Variants in PPFIBP1 observed in about 807,000 individuals in gnomAD.
PPFIBP1 encodes the protein liprin-beta-1.
Under a neutral mutation model 137.8 loss-of-function variants are expected in PPFIBP1, and 112 were observed. That is an observed-to-expected ratio of 0.81 (90% CI 0.70 to 0.95). The LOEUF is 0.95. Ranked by LOEUF, PPFIBP1 falls within the 40% of genes least tolerant of loss-of-function variation. The pLI, the probability that PPFIBP1 is intolerant of heterozygous loss-of-function variation, is 0.00. For missense variants in PPFIBP1, 1,083 were observed against 1,196.6 expected (o/e 0.91, Z 1.40); for synonymous variants, 378 against 417.3 (o/e 0.91, Z 1.15).
chr12:27,540,793 AG>A (rs1384708533), intron 1 of PPFIBP1, among the ~76,000 whole-genome samples: 3 of 152,210 alleles, frequency 2.0e-5, no homozygotes, highest in South Asian at 2.1e-4. Context: ...GATATTATTG[AG>A]CTAAATCATG....
At chr12:27,657,952 T>C (rs2059313723) in intron 9 of PPFIBP1, among the ~76,000 whole-genome samples, 2 of 151,554 alleles carry the variant, frequency 1.3e-5, no homozygotes, top group South Asian at 4.2e-4. Context: ...TACAAAAAAT[T>C]TCTTTTTAAG....
intron 7 of PPFIBP1, among the ~76,000 whole-genome samples, chr12:27,651,592 TA>T (rs1257057233): frequency 2.6e-5 from 4 of 152,274 alleles, no homozygotes; most frequent in Admixed American, 6.5e-5. Flanking sequence ...CCTAACCCCA[TA>T]GTCGCAGGGT....
chr12:27,631,697 G>C (rs1311786581), intron 2 of PPFIBP1, among the ~76,000 whole-genome samples: 1 of 152,110 alleles, frequency 6.6e-6, no homozygotes, highest in African/African-American at 2.4e-5. Flanking sequence ...CATTTGAAAG[G>C]CTCATTAAAT....
At chr12:27,667,057 G>A in intron 12 of PPFIBP1, 109 bp from the exon 13 acceptor site, 1 of 1,157,530 alleles carries the variant, frequency 8.6e-7, no homozygotes, top group South Asian at 2.1e-5. Flanking sequence ...GATTTTTGAG[G>A]ATCAGAAAAA....
intron 2 of PPFIBP1, among the ~76,000 whole-genome samples, chr12:27,628,814 A>C (rs747207083): frequency 9.2e-5 from 14 of 152,148 alleles, no homozygotes; most frequent in Non-Finnish European, 7.4e-5. Flanking sequence ...AAGTGATCCT[A>C]GGAAAGACTT....
At chr12:27,564,415 C>A (rs961634503) in intron 1 of PPFIBP1, among the ~76,000 whole-genome samples, 1 of 152,158 alleles carries the variant, frequency 6.6e-6, no homozygotes, top group African/African-American at 2.4e-5. Context: ...AAATAAAATT[C>A]TCTGAGCCCT....
chr12:27,632,849 G>T (rs1376164752), intron 2 of PPFIBP1, among the ~76,000 whole-genome samples: 1 of 152,178 alleles, frequency 6.6e-6, no homozygotes, highest in Non-Finnish European at 1.5e-5. Context: ...GTATCAGTAG[G>T]GGTGTATGTG....
chr12:27,600,613 CCTT>C (rs2053876399), intron 2 of PPFIBP1, among the ~76,000 whole-genome samples: 1 of 151,638 alleles, frequency 6.6e-6, no homozygotes, highest in African/African-American at 2.4e-5. Flanking sequence ...TTCCTGAACA[CCTT>C]CTTTCCCTGC....
intron 1 of PPFIBP1, among the ~76,000 whole-genome samples, chr12:27,545,111 T>A (rs1323286839): frequency 6.6e-6 from 1 of 152,130 alleles, no homozygotes; most frequent in Non-Finnish European, 1.5e-5. Flanking sequence ...GAAACCATCA[T>A]TCTCAGCAAA....
chr12:27,692,489 A>G (rs2061608011), intron 28 of PPFIBP1, 102 bp from the exon 29 acceptor site: 1 of 1,032,412 alleles, frequency 9.7e-7, no homozygotes, highest in African/African-American at 1.6e-5. Context: ...TACCCCATTC[A>G]GTGCTATTTG....
chr12:27,651,699 G>T (rs1470856143), intron 7 of PPFIBP1, among the ~76,000 whole-genome samples: 1 of 152,146 alleles, frequency 6.6e-6, no homozygotes, highest in Non-Finnish European at 1.5e-5. Context: ...GATAGAGGTG[G>T]TCTTCTACAT....
intron 1 of PPFIBP1, among the ~76,000 whole-genome samples, chr12:27,539,453 G>A (rs1274874704): frequency 1.3e-5 from 2 of 152,146 alleles, no homozygotes; most frequent in Non-Finnish European, 2.9e-5. Flanking sequence ...TTTGGTGTGC[G>A]GGTTTAAATC....
intron 19 of PPFIBP1, among the ~76,000 whole-genome samples, chr12:27,679,125 G>C (rs947729970): frequency 6.6e-6 from 1 of 152,098 alleles, no homozygotes; most frequent in Non-Finnish European, 1.5e-5. Context: ...TAGGAGAGTG[G>C]TCATGTCAAG....
At chr12:27,680,162 G>A (rs1314489379) in intron 21 of PPFIBP1, 101 bp downstream of exon 21, 9 of 1,450,746 alleles carry the variant, frequency 6.2e-6, no homozygotes, top group Non-Finnish European at 8.4e-6. Flanking sequence ...CAAAGTCATT[G>A]CTTAATGCTG....
chr12:27,645,983 A>G, intron 4 of PPFIBP1, 79 bp from the exon 5 acceptor site: 6 of 1,088,820 alleles, frequency 5.5e-6, no homozygotes, highest in Non-Finnish European at 8.3e-6. Context: ...TTGGACTAAG[A>G]ACACTTGTGA....
At chr12:27,650,171 C>G in intron 7 of PPFIBP1, 30 bp downstream of exon 7, 4 of 1,543,916 alleles carry the variant, frequency 2.6e-6, no homozygotes, top group Non-Finnish European at 3.6e-6. Flanking sequence ...CTCCCTCTCT[C>G]TCTCTCTCTG....
intron 2 of PPFIBP1, among the ~76,000 whole-genome samples, chr12:27,611,556 G>A (rs2055114036): frequency 6.6e-6 from 1 of 152,158 alleles, no homozygotes. Context: ...AATTTTGAAA[G>A]GACATAATTA....
Position 27,568,041 on chromosome 12 carries a change from T to A in PPFIBP1, c.-123-10111T>A, listed in dbSNP as rs142154099. Reference sequence around the variant, plus strand: ...ACCACGGTGCCCAGCCACCAGACTTTTTAATTTTTAAGGGCAACGGGAAAA... The same window carrying A: ...ACCACGGTGCCCAGCCACCAGACTTATTAATTTTTAAGGGCAACGGGAAAA... On this transcript the variant is annotated intron_variant, in intron 1 of 29. Coordinates refer to ENST00000228425, the MANE Select transcript of PPFIBP1 (RefSeq NM_003622.4). 8.2e-3 allele frequency among the ~76,000 whole-genome samples: 1,256 copies of A among 152,276 alleles called. 17 individuals carry two copies. Among genetic ancestry groups the A allele is most frequent in the African/African-American group, 0.029 (1,206 of 41,544 alleles).
At chr12:27,543,941 C>T (rs182601453) in intron 1 of PPFIBP1, among the ~76,000 whole-genome samples, 35 of 121,948 alleles carry the variant, frequency 2.9e-4, no homozygotes, top group African/African-American at 7.6e-4. Context: ...AGTGCAGTGT[C>T]GTGATCATAG....
Sources: allele counts gnomAD v4.1 joint callset (sites outside exome capture counted in the v4.1 genomes callset), GRCh38; gene constraint gnomAD v4.1.1; transcripts MANE v1.5; gene names NCBI Gene and HGNC (gene_info 2026-07-23, HGNC 2026-07-21).